AUTS2: variants seen among roughly 807,000 people sequenced by gnomAD.
The protein encoded by AUTS2 is activator of transcription and developmental regulator AUTS2, also known as autism susceptibility gene 2 protein.
Under a neutral mutation model 112.4 loss-of-function variants are expected in AUTS2, and 17 were observed. The observed-to-expected ratio is 0.15, with a 90% CI of 0.10 to 0.23. The LOEUF is 0.23. Ranked by LOEUF, AUTS2 falls within the 10% of genes least tolerant of loss-of-function variation. The pLI is 1.00. For synonymous variants in AUTS2, 751 were observed against 702.7 expected, an observed-to-expected ratio of 1.07 and a Z score of -1.09; for missense variants, 1,510 against 1,701.6, an observed-to-expected ratio of 0.89 and a Z score of 1.98.
rs372680150 is a variant in AUTS2 at position 70,538,405 on chromosome 7, G to C, written c.690+102624G>C. Among the ~76,000 whole-genome samples the C allele has an allele frequency of 1.8e-4, 28 of 152,124 alleles. No individual in the cohort carries two copies. In the East Asian group the frequency reaches 3.9e-3, roughly 21 times the overall value. ...TGGTCGGGTGTGGTGGCAGGCGGCT[G>C]TCTGCCACCTGCTACTTGGGAGGCT... On this transcript the variant is annotated intron_variant, in intron 5 of 18. Coordinates refer to ENST00000342771, the MANE Select transcript of AUTS2 (RefSeq NM_015570.4).
intron 4 of AUTS2, among the ~76,000 whole-genome samples, chr7:70,273,522 T>C (rs1787790050): frequency 6.6e-6 from 1 of 152,106 alleles, no homozygotes; most frequent in Admixed American, 6.6e-5. Flanking sequence ...CTTAGAATTC[T>C]ATTTTCTTAC....
chr7:70,552,071 A>G (rs1801037045), intron 5 of AUTS2, among the ~76,000 whole-genome samples: 1 of 152,096 alleles, frequency 6.6e-6, no homozygotes, highest in African/African-American at 2.4e-5. Flanking sequence ...GAGGGGAGGG[A>G]GTAGGGAAAA....
intron 2 of AUTS2, among the ~76,000 whole-genome samples, chr7:70,103,617 T>TAC (rs1804613387): frequency 1.3e-5 from 2 of 152,106 alleles, no homozygotes; most frequent in African/African-American, 4.8e-5. Flanking sequence ...GAAAATTGTA[T>TAC]AACAGTAGGC....
At chr7:69,885,828 A>G (rs1034557705) in intron 1 of AUTS2, among the ~76,000 whole-genome samples, 4 of 152,246 alleles carry the variant, frequency 2.6e-5, no homozygotes, top group Non-Finnish European at 4.4e-5. Context: ...GCAGACATTA[A>G]TGGTTATGAA....
At chr7:69,863,005 G>T (rs1793059276) in intron 1 of AUTS2, among the ~76,000 whole-genome samples, 1 of 152,128 alleles carries the variant, frequency 6.6e-6, no homozygotes, top group African/African-American at 2.4e-5. Context: ...TTGGCTCAGA[G>T]ACTACCCCAT....
chr7:70,467,160 G>A (rs1486810675), intron 5 of AUTS2, among the ~76,000 whole-genome samples: 1 of 152,194 alleles, frequency 6.6e-6, no homozygotes, highest in East Asian at 1.9e-4. Flanking sequence ...CTTCCACACA[G>A]CCTTTGATCT....
At chr7:69,879,120 C>CTG (rs5884770) in intron 1 of AUTS2, among the ~76,000 whole-genome samples, 8,804 of 147,706 alleles carry the variant, frequency 0.06, 306 homozygotes, top group African/African-American at 0.1. Context: ...TTGAGACTTT[C>CTG]TGTGTGTGTG....
At chr7:69,667,166 G>A (rs2129149525) in intron 1 of AUTS2, among the ~76,000 whole-genome samples, 1 of 152,160 alleles carries the variant, frequency 6.6e-6, no homozygotes, top group Middle Eastern at 3.4e-3. Flanking sequence ...TTCTGATAAA[G>A]CCGCTATCCC....
intron 6 of AUTS2, among the ~76,000 whole-genome samples, chr7:70,744,081 T>A (rs1788289312): frequency 1.3e-5 from 2 of 152,156 alleles, no homozygotes; most frequent in African/African-American, 2.4e-5. Context: ...TTCTCACTTT[T>A]CTGACTGAGT....
chr7:70,629,933 C>T (rs569135342), intron 5 of AUTS2, among the ~76,000 whole-genome samples: 2 of 152,108 alleles, frequency 1.3e-5, no homozygotes, highest in African/African-American at 4.8e-5. Context: ...TCGTGTAGTC[C>T]ATATTTCAAT....
chr7:70,298,647 A>G (rs541169611), intron 4 of AUTS2, among the ~76,000 whole-genome samples: 2 of 152,236 alleles, frequency 1.3e-5, no homozygotes, highest in Non-Finnish European at 1.5e-5. Flanking sequence ...TGGCTGAGGC[A>G]TGAAGGATCT....
chr7:70,330,885 A>G (rs1790714522), intron 4 of AUTS2, among the ~76,000 whole-genome samples: 1 of 152,006 alleles, frequency 6.6e-6, no homozygotes. Flanking sequence ...TTCTTTTTGG[A>G]TACTAGTGTA....
intron 1 of AUTS2, among the ~76,000 whole-genome samples, chr7:69,762,221 A>C (rs961528220): frequency 4.0e-5 from 6 of 150,642 alleles, no homozygotes; most frequent in Non-Finnish European, 7.4e-5. Context: ...GGCTGTATCT[A>C]ATTATTTATA....
chr7:69,898,769 A>AG (rs1794853958), intron 1 of AUTS2, among the ~76,000 whole-genome samples: 1 of 152,244 alleles, frequency 6.6e-6, no homozygotes, highest in African/African-American at 2.4e-5. Context: ...CATGTAAAAA[A>AG]ATATAATGCA....
At chr7:70,450,942 G>A (rs947707919) in intron 5 of AUTS2, among the ~76,000 whole-genome samples, 11 of 152,136 alleles carry the variant, frequency 7.2e-5, no homozygotes, top group East Asian at 3.9e-4. Flanking sequence ...ATCACACAGC[G>A]AAAGTGGGGG....
At chr7:70,489,092 A>C (rs899660579) in intron 5 of AUTS2, among the ~76,000 whole-genome samples, 3 of 152,236 alleles carry the variant, frequency 2.0e-5, no homozygotes, top group African/African-American at 7.2e-5. Context: ...AATTTGAGGA[A>C]ACCAACAAAA....
chr7:70,613,489 A>C (rs2129534395), intron 5 of AUTS2, among the ~76,000 whole-genome samples: 1 of 152,204 alleles, frequency 6.6e-6, no homozygotes, highest in African/African-American at 2.4e-5. Flanking sequence ...CCCTGGTGAG[A>C]ACTCATTAAG....
intron 2 of AUTS2, among the ~76,000 whole-genome samples, chr7:70,022,408 C>G (rs994078642): frequency 6.6e-6 from 1 of 151,658 alleles, no homozygotes; most frequent in African/African-American, 2.4e-5. Flanking sequence ...GCAACCTGTC[C>G]CTCTTGGGTT....
At chr7:70,270,842 T>C (rs564284404) in intron 4 of AUTS2, among the ~76,000 whole-genome samples, 9 of 152,236 alleles carry the variant, frequency 5.9e-5, no homozygotes, top group Admixed American at 2.6e-4. Context: ...GGAAGACATA[T>C]CATCTTTACC....
Sources: allele counts gnomAD v4.1 joint callset (sites outside exome capture counted in the v4.1 genomes callset), GRCh38; gene constraint gnomAD v4.1.1; transcripts MANE v1.5; gene names NCBI Gene and HGNC (gene_info 2026-07-23, HGNC 2026-07-21).